The following GALNT13 variants were observed in gnomAD, a reference collection of about 807,000 sequenced individuals.
GALNT13 encodes polypeptide N-acetylgalactosaminyltransferase 13, also known as UDP-GalNAc:polypeptide N-acetylgalactosaminyltransferase 13.
GALNT13 carries 28 observed loss-of-function variants against 64.2 expected under a neutral mutation model. That is an observed-to-expected ratio of 0.44 (90% confidence interval 0.32 to 0.60). The LOEUF (loss-of-function observed/expected upper bound fraction) is 0.60. GALNT13 is among the 20% of genes least tolerant of loss of function. GALNT13 has a pLI of 0.05. For synonymous variants in GALNT13, 214 were observed against 224.6 expected (o/e 0.95, Z 0.42); for missense variants, 577 against 669.8 (o/e 0.86, Z 1.53).
chr2:153,635,658 T>C, the GALNT13 span, among the ~76,000 whole-genome samples: 3 of 151,990 alleles, frequency 2.0e-5, no homozygotes, highest in Admixed American at 2.0e-4. Context: ...AACTCATTCG[T>C]ATCTTTGGAT....
At chr2:153,793,262 G>A in the GALNT13 span, among the ~76,000 whole-genome samples, 17 of 151,852 alleles carry the variant, frequency 1.1e-4, no homozygotes, top group African/African-American at 3.4e-4. Context: ...GTGAGCCACC[G>A]CACCCGGCCC....
chr2:153,083,189 T>C, the GALNT13 span, among the ~76,000 whole-genome samples: 7 of 152,212 alleles, frequency 4.6e-5, no homozygotes, highest in African/African-American at 1.7e-4. Flanking sequence ...AGTGTCTCTT[T>C]CACATAATAA....
At chr2:153,251,205 A>G in the GALNT13 span, among the ~76,000 whole-genome samples, 52,397 of 152,034 alleles carry the variant, frequency 0.34, 9,265 homozygotes, top group Middle Eastern at 0.51. Context: ...TAAATGTATT[A>G]CTGGTATATG....
At chr2:153,294,926 C>T in the GALNT13 span, among the ~76,000 whole-genome samples, 2 of 152,102 alleles carry the variant, frequency 1.3e-5, no homozygotes, top group Non-Finnish European at 2.9e-5. Flanking sequence ...ACTCCAAGAA[C>T]AAAAGAATAT....
the GALNT13 span, among the ~76,000 whole-genome samples, chr2:153,361,281 GA>G: frequency 1.3e-5 from 2 of 152,050 alleles, no homozygotes; most frequent in African/African-American, 2.4e-5. Context: ...AAAAAACGCT[GA>G]AACCTAAAAG....
intron 3 of GALNT13, 93 bp downstream of exon 3, chr2:153,944,732 C>G: frequency 9.0e-7 from 1 of 1,117,066 alleles, no homozygotes; most frequent in South Asian, 1.6e-5. Flanking sequence ...AGAGTTTTGC[C>G]TTAGTGAGTT....
intron 9 of GALNT13, among the ~76,000 whole-genome samples, chr2:154,378,471 T>A (rs1037480315): frequency 6.6e-6 from 1 of 152,156 alleles, no homozygotes; most frequent in Non-Finnish European, 1.5e-5. Flanking sequence ...CCATCTTCTC[T>A]GTTGTAGGCA....
chr2:154,440,600 C>T (rs952845022), intron 12 of GALNT13, among the ~76,000 whole-genome samples: 1 of 151,994 alleles, frequency 6.6e-6, no homozygotes. Flanking sequence ...TTGGAACACA[C>T]GCACAAAAAG....
the GALNT13 span, among the ~76,000 whole-genome samples, chr2:153,607,718 T>A: frequency 6.6e-6 from 1 of 151,086 alleles, no homozygotes; most frequent in Non-Finnish European, 1.5e-5. Context: ...TGTTTTTCTG[T>A]TTTTTTTAAA....
chr2:153,263,764 A>G, the GALNT13 span, among the ~76,000 whole-genome samples: 2 of 152,250 alleles, frequency 1.3e-5, no homozygotes, highest in African/African-American at 4.8e-5. Flanking sequence ...TTAAAACTGG[A>G]CCCCTTCCTT....
chr2:153,102,099 G>C, the GALNT13 span, among the ~76,000 whole-genome samples: 17 of 152,064 alleles, frequency 1.1e-4, no homozygotes, highest in African/African-American at 4.1e-4. Context: ...CTCTTTTGGG[G>C]TCTCCCTTTT....
the GALNT13 span, among the ~76,000 whole-genome samples, chr2:153,539,852 C>T: frequency 6.6e-6 from 1 of 152,004 alleles, no homozygotes; most frequent in Non-Finnish European, 1.5e-5. Context: ...GTTCTTTTGG[C>T]TTAGGATTGT....
chr2:153,311,619 G>T, the GALNT13 span, among the ~76,000 whole-genome samples: 3 of 152,190 alleles, frequency 2.0e-5, no homozygotes, highest in Non-Finnish European at 4.4e-5. Flanking sequence ...TCACGTGGCT[G>T]TTGGCTGGCC....
the GALNT13 span, among the ~76,000 whole-genome samples, chr2:153,121,972 T>C: frequency 6.6e-6 from 1 of 152,202 alleles, no homozygotes; most frequent in Non-Finnish European, 1.5e-5. Context: ...ATGGTATGCA[T>C]ACAGTTTTGT....
the GALNT13 span, among the ~76,000 whole-genome samples, chr2:153,122,412 G>A: frequency 6.6e-6 from 1 of 152,196 alleles, no homozygotes; most frequent in Admixed American, 6.5e-5. Flanking sequence ...AAAACTCAGT[G>A]AGGCAGTTGA....
At chr2:153,193,534 C>T in the GALNT13 span, among the ~76,000 whole-genome samples, 4 of 151,380 alleles carry the variant, frequency 2.6e-5, no homozygotes, top group Non-Finnish European at 5.9e-5. Context: ...CAGCACGGCA[C>T]ATGTATACAT....
At chr2:153,147,823 C>T in the GALNT13 span, among the ~76,000 whole-genome samples, 5 of 151,638 alleles carry the variant, frequency 3.3e-5, no homozygotes, top group Non-Finnish European at 5.9e-5. Context: ...AGTTGGTCTG[C>T]AAAATGTTTT....
At chr2:153,594,393 A>G in the GALNT13 span, among the ~76,000 whole-genome samples, 1 of 151,924 alleles carries the variant, frequency 6.6e-6, no homozygotes, top group Non-Finnish European at 1.5e-5. Context: ...TTTTGGAAAC[A>G]TTTTTTCTCG....
the GALNT13 span, among the ~76,000 whole-genome samples, chr2:153,701,239 T>C: frequency 6.6e-6 from 1 of 152,086 alleles, no homozygotes; most frequent in Non-Finnish European, 1.5e-5. Context: ...AAACAAGCAA[T>C]GGGGAAAGGA....
Sources: gnomAD v4.1 joint callset for allele counts (sites outside exome capture counted in the v4.1 genomes callset) on GRCh38, gnomAD v4.1.1 for gene constraint, MANE v1.5 for transcripts, NCBI Gene and HGNC (gene_info 2026-07-23, HGNC 2026-07-21) for gene names.